The following MTUS1 variants were observed in gnomAD, a reference collection of about 807,000 sequenced individuals.
MTUS1 encodes microtubule associated scaffold protein 1, also known as microtubule-associated tumor suppressor 1.
Under a neutral mutation model 120.8 loss-of-function variants are expected in MTUS1, and 109 were observed. That is an observed-to-expected ratio of 0.90 (90% confidence interval 0.77 to 1.06). MTUS1 has a LOEUF of 1.06. MTUS1 is among the 50% of genes least tolerant of loss of function. The pLI, the probability that MTUS1 is intolerant of heterozygous loss-of-function variation, is 0.00. For synonymous variants in MTUS1, 737 were observed against 550.5 expected (o/e 1.34, Z -4.74); for missense variants, 2,210 against 1,486.3 (o/e 1.49, Z -8.01).
chr8:17,661,562 C>A (rs1809700697), intron 8 of MTUS1, among the ~76,000 whole-genome samples: 1 of 151,942 alleles, frequency 6.6e-6, no homozygotes, highest in African/African-American at 2.4e-5. Flanking sequence ...GTAATTGTGG[C>A]ACATCAGCCT....
chr8:17,702,825 T>C (rs1442362484), intron 6 of MTUS1, among the ~76,000 whole-genome samples: 3 of 152,222 alleles, frequency 2.0e-5, no homozygotes, highest in Non-Finnish European at 4.4e-5. Flanking sequence ...ATGACCATTG[T>C]TGCAGGGAGT....
intron 7 of MTUS1, chr8:17,675,941 T>C (rs951126912): frequency 5.3e-5 from 12 of 225,294 alleles, no homozygotes; most frequent in Non-Finnish European, 9.5e-5. Context: ...AGAATAATGT[T>C]CAAGTTACCA....
At chr8:17,716,843 C>T (rs1337126226) in intron 4 of MTUS1, among the ~76,000 whole-genome samples, 1 of 152,142 alleles carries the variant, frequency 6.6e-6, no homozygotes, top group Non-Finnish European at 1.5e-5. Flanking sequence ...CGTGAGCCAC[C>T]GCACCTAGCC....
At chr8:17,788,672 C>T (rs2051512067) in intron 1 of MTUS1, among the ~76,000 whole-genome samples, 1 of 152,160 alleles carries the variant, frequency 6.6e-6, no homozygotes, top group South Asian at 2.1e-4. Flanking sequence ...TCTAAGTCAA[C>T]ATTCCTTCAA....
chr8:17,697,702 C>T (rs559987815), intron 6 of MTUS1: 21 of 1,009,834 alleles, frequency 2.1e-5, no homozygotes, highest in East Asian at 9.5e-5. Context: ...GGTTTTCATC[C>T]GAGATGGTAA....
At chr8:17,728,563 A>T (rs1013846377) in intron 3 of MTUS1, among the ~76,000 whole-genome samples, 7 of 152,246 alleles carry the variant, frequency 4.6e-5, no homozygotes, top group Non-Finnish European at 5.9e-5. Flanking sequence ...ACAGAATTAG[A>T]CGTTCTCAGT....
At chr8:17,788,098 G>A (rs2051457803) in intron 1 of MTUS1, among the ~76,000 whole-genome samples, 1 of 152,040 alleles carries the variant, frequency 6.6e-6, no homozygotes, top group Admixed American at 6.6e-5. Context: ...TCCAGCCTGG[G>A]CAACAAGAGC....
chr8:17,710,615 A>C lies in MTUS1; in HGVS notation c.2623+2599T>G, dbSNP rs1049661937. ...CATGACGGTTAGGTCAGCTTCTTCC[A>C]AACTCCTATTCACGTTGGTGCTCTG... On this transcript the variant is annotated intron_variant, in intron 6 of 14. Coordinates refer to ENST00000693296, the MANE Select transcript of MTUS1 (RefSeq NM_001363059.2). Among the ~76,000 whole-genome samples, 7 of 152,334 alleles carry C rather than the reference A, an allele frequency of 4.6e-5. No individual in the cohort carries two copies. The East Asian group carries it at 1.4e-3, about 29-fold the overall frequency.
At chr8:17,738,052 T>A (rs2047054826) in intron 3 of MTUS1, among the ~76,000 whole-genome samples, 1 of 152,200 alleles carries the variant, frequency 6.6e-6, no homozygotes, top group Admixed American at 6.5e-5. Flanking sequence ...GACAGGCAAG[T>A]CACTGCAAGT....
chr8:17,791,164 T>G (rs2051751399), intron 1 of MTUS1, among the ~76,000 whole-genome samples: 1 of 152,158 alleles, frequency 6.6e-6, no homozygotes, highest in African/African-American at 2.4e-5. Context: ...AGACAAAACA[T>G]TTATCCAAAT....
Position 17,755,078 on chromosome 8 carries a change from T to C in MTUS1, c.730A>G (p.Thr244Ala), listed in dbSNP as rs748892658. ...TPSEAQDMTY[T>A]AFSDVVMQSE... ...TGCATCACCACATCAGAAAATGCTG[T>C]GTAAGTCATGTCTTGGGCTTCTGAT... The change falls in exon 2 of 15, where the codon ACA becomes GCA. Residue 244 changes from threonine (T) to alanine (A), a missense_variant. Physicochemically the swap from Thr to Ala is moderately conservative, Grantham distance 58. Transcript: ENST00000693296. The C allele has an allele frequency of 6.2e-7, 1 of 1,613,864 alleles. No homozygotes were observed. The highest frequency in any genetic ancestry group is 1.7e-5 in the Admixed American group (1 of 60,024).
At position 17,754,474 on chromosome 8, in the gene MTUS1, A is replaced by C; in HGVS notation, c.1334T>G (p.Ile445Ser). ...PTKVTFSVSPIEATEKCKKVE... is the reference protein window; with the variant it reads ...PTKVTFSVSPSEATEKCKKVE... ...TTTCTTACATTTCTCCGTCGCTTCA[A>C]TCGGTGAAACAGAAAAGGTTACTTT... The change falls in exon 2 of 15, where the codon ATT (isoleucine) becomes AGT (serine). Residue 445 changes from isoleucine to serine, a missense_variant. By Grantham distance (142) the Ile-to-Ser change is moderately radical. Transcript: ENST00000693296. 6.2e-7 allele frequency: 1 copy of C among 1,614,110 alleles called. No individual in the cohort carries two copies. The highest frequency in any genetic ancestry group is 8.5e-7 in the Non-Finnish European group (1 of 1,180,014).
chr8:17,777,165 T>C (rs953822898), intron 1 of MTUS1, among the ~76,000 whole-genome samples: 30 of 152,136 alleles, frequency 2.0e-4, no homozygotes, highest in Admixed American at 9.2e-4. Context: ...GGCCGGGCAC[T>C]GTGGCTCATG....
rs1586338856 is a variant in MTUS1, at chr8:17,776,142, A to AG, written c.-154-20182dup. On this transcript the variant is annotated intron_variant, in intron 1 of 14. Transcript: ENST00000693296. ...CAACTGCAGATTGAACATAGTCGGG[A>AG]GAAAAAAAAACAACAATACAAAATA... Among the ~76,000 whole-genome samples, 5 of 152,272 alleles carry AG rather than the reference A, an allele frequency of 3.3e-5. No homozygotes were observed. In the East Asian group the frequency reaches 7.7e-4, roughly 24 times the overall value.
Position 17,647,022 on chromosome 8 carries a change from C to T in MTUS1, c.3559G>A (p.Glu1187Lys). 5 of 1,613,986 alleles carry T rather than the reference C, an allele frequency of 3.1e-6. No individual in the cohort carries two copies. The highest frequency in any genetic ancestry group is 4.2e-6 in the Non-Finnish European group (5 of 1,180,000). ...KLKRFQQENE[E>K]LKARMDKHMA... is the part of the protein sequence containing the mutation. ...TGCTTGTCCATCCGAGCTTTCAATT[C>T]TTCATTCTCCTGCTGGAAACGCTTC... The change falls in exon 14 of 15, where the codon GAA (glutamate) becomes AAA (lysine). Residue 1187 changes from glutamate (E) to lysine (K), a missense_variant. By Grantham distance (56) the Glu-to-Lys change is moderately conservative. Coordinates refer to ENST00000693296, the MANE Select transcript of MTUS1 (RefSeq NM_001363059.2).
intron 6 of MTUS1, among the ~76,000 whole-genome samples, chr8:17,693,743 C>A (rs1585741653): frequency 6.6e-6 from 1 of 152,226 alleles, no homozygotes; most frequent in South Asian, 2.1e-4. Context: ...CAAGTCCACA[C>A]CCTGCATTAT....
chr8:17,713,392 T>G, intron 5 of MTUS1, 140 bp from the exon 6 acceptor site: 1 of 600,932 alleles, frequency 1.7e-6, no homozygotes, highest in Admixed American at 3.4e-5. Context: ...TCACCGAGAT[T>G]CAACCAACTT....
At chr8:17,769,417 G>A (rs1363603147) in intron 1 of MTUS1, among the ~76,000 whole-genome samples, 3 of 148,276 alleles carry the variant, frequency 2.0e-5, no homozygotes, top group Non-Finnish European at 4.5e-5. Context: ...GCGCGATCTC[G>A]GCTCACTGCA....
chr8:17,654,250 C>G (rs1807703791), intron 10 of MTUS1: 2 of 384,982 alleles, frequency 5.2e-6, no homozygotes, highest in East Asian at 4.8e-5. Context: ...CTGTGGATTA[C>G]AAGATAGAAA....
Sources: allele counts gnomAD v4.1 joint callset (sites outside exome capture counted in the v4.1 genomes callset), GRCh38; gene constraint gnomAD v4.1.1; transcripts MANE v1.5; gene names NCBI Gene and HGNC (gene_info 2026-07-23, HGNC 2026-07-21).